Variants in OTUD3 observed in about 807,000 individuals in gnomAD.
OTUD3 encodes OTU domain-containing protein 3.
OTUD3 carries 24 observed loss-of-function variants against 46.2 expected under a neutral mutation model. The ratio of observed to expected loss-of-function variants is 0.52; its 90% CI spans 0.38 to 0.73. The LOEUF (loss-of-function observed/expected upper bound fraction) is 0.73. Among genes scored for constraint, OTUD3 ranks in the 30% least tolerant of loss-of-function variants. The probability of loss-of-function intolerance (pLI) is 0.00; values close to 1 mark genes in which losing one functional copy is unlikely to be tolerated. For synonymous variants in OTUD3, 189 were observed against 195.4 expected (o/e 0.97, Z 0.27); for missense variants, 455 against 523.3 (o/e 0.87, Z 1.27).
At chr1:19,882,807 T>G in intron 1 of OTUD3, 73 bp downstream of exon 1, 1 of 1,216,012 alleles carries the variant, frequency 8.2e-7, no homozygotes, top group Admixed American at 4.3e-5. Context: ...CGTTGCCCGC[T>G]CGCGTCCATC....
In OTUD3 at chr1:19,882,529, G is replaced by A. The variant is rs1362089965; in HGVS notation, c.16G>A (p.Ala6Thr). 1.5e-6 allele frequency: 2 copies of A among 1,344,284 alleles called. No homozygotes were observed. The highest frequency in any genetic ancestry group is 3.1e-5 in the East Asian group (1 of 32,554). The allele number at this position is 1,344,284 out of a possible 1,614,324, so 83.3% of individuals were successfully genotyped here. The change falls in exon 1 of 8, where the codon GCG (alanine) becomes ACG (threonine). Residue 6 changes from alanine to threonine, a missense_variant. Ala to Thr is a moderately conservative substitution (Grantham distance 58, BLOSUM62 0). Coordinates refer to ENST00000375120, the MANE Select transcript of OTUD3 (RefSeq NM_015207.2). ...GGCTAAGGCCATGTCCCGAAAGCAG[G>A]CGGCGAAGAGCCGGCCGGGCAGCGG... Reference protein sequence around the residue: MSRKQAAKSRPGSGSR... With the variant: MSRKQTAKSRPGSGSR...
At chr1:19,894,685 A>G (rs987357597) in intron 3 of OTUD3, among the ~76,000 whole-genome samples, 11 of 152,218 alleles carry the variant, frequency 7.2e-5, no homozygotes, top group Non-Finnish European at 1.6e-4. Flanking sequence ...TAATTTAGAA[A>G]TCTTTTAAAA....
At chr1:19,891,199 T>G (rs932102855) in intron 2 of OTUD3, among the ~76,000 whole-genome samples, 3 of 152,240 alleles carry the variant, frequency 2.0e-5, no homozygotes, top group Admixed American at 2.0e-4. Flanking sequence ...CTGTTTTCTT[T>G]GAGGCAAGTC....
chr1:19,885,818 A>T (rs1013215028), intron 1 of OTUD3, among the ~76,000 whole-genome samples: 1 of 152,200 alleles, frequency 6.6e-6, no homozygotes, highest in Non-Finnish European at 1.5e-5. Context: ...AAAGACTATT[A>T]AAAAATAGTT....
At chr1:19,898,137 G>A (rs2045541235) in intron 4 of OTUD3, among the ~76,000 whole-genome samples, 1 of 151,506 alleles carries the variant, frequency 6.6e-6, no homozygotes, top group Non-Finnish European at 1.5e-5. Context: ...TAGTAGAGAT[G>A]GGGTTTCTCC....
At chr1:19,906,802 C>T (rs143445066) in intron 7 of OTUD3, 186 bp downstream of exon 7, 9 of 527,526 alleles carry the variant, frequency 1.7e-5, no homozygotes, top group African/African-American at 3.8e-5. Flanking sequence ...TGGTGTATGC[C>T]GTGACAGTTG....
Position 19,890,474 on chromosome 1 carries a change from T to C in OTUD3, c.311T>C (p.Ile104Thr), listed in dbSNP as rs540260034. ...KHRQETVDYM[I>T]KQREDFEPFV... ...AGACAGGAGACAGTGGACTACATGATAAAGCAGCGGGAAGATTTTGAACCC... is the reference window on the plus strand; with the variant it reads ...AGACAGGAGACAGTGGACTACATGACAAAGCAGCGGGAAGATTTTGAACCC... The change falls in exon 2 of 8, where the codon ATA becomes ACA. Residue 104 changes from isoleucine (I) to threonine (T), a missense_variant. By Grantham distance (89) the Ile-to-Thr change is moderately conservative. Transcript: ENST00000375120. The C allele has an allele frequency of 4.3e-6, 7 of 1,613,958 alleles. No individual in the cohort carries two copies. In the East Asian group the frequency reaches 1.6e-4, roughly 36 times the overall value.
At position 19,911,906 on chromosome 1, in the gene OTUD3, C is replaced by T. The variant is rs1421832920; in HGVS notation, c.*4160C>T. ...GTGCCTTGTGGTTGGCCTGGAAGTT[C>T]TCTCCCAAGGTGAAATTCCTTTAAA... On this transcript the variant is annotated 3_prime_UTR_variant, in exon 8 of 8. Transcript: ENST00000375120. The T allele has an allele frequency of 6.6e-6, 1 of 152,312 alleles. No homozygotes were observed. The highest frequency in any genetic ancestry group is 6.5e-5 in the Admixed American group (1 of 15,276). 9.4% of individuals were successfully genotyped at this position (152,312 alleles called of 1,614,324 possible). A position where few individuals can be genotyped will look rare whatever the true frequency, so the allele number is the denominator to read the frequency against.
chr1:19,901,803 A>G (rs1175105590), intron 4 of OTUD3, among the ~76,000 whole-genome samples: 2 of 152,118 alleles, frequency 1.3e-5, no homozygotes, highest in South Asian at 2.1e-4. Flanking sequence ...CCCTCAGTAT[A>G]ATGTTTTTGA....
intron 4 of OTUD3, among the ~76,000 whole-genome samples, chr1:19,900,916 G>GTTTTTTTTTTTTTT (rs990933093): frequency 9.5e-5 from 11 of 115,714 alleles, no homozygotes; most frequent in Admixed American, 1.8e-4. Context: ...TTTTTTTTTT[G>GTTTTTTTTTTTTTT]TTTTTTTTTT....
intron 3 of OTUD3, among the ~76,000 whole-genome samples, chr1:19,895,118 A>G (rs1450954900): frequency 6.6e-6 from 1 of 152,252 alleles, no homozygotes; most frequent in Non-Finnish European, 1.5e-5. Flanking sequence ...ATGTTTTTAC[A>G]CACTTTTAAA....
At position 19,904,392 on chromosome 1, in the gene OTUD3, A is replaced by G. The variant is rs1305563285; in HGVS notation, c.732A>G (p.Gly244=). ...TCCAGAAAGTTTGTAATGCAACTGG[A>G]TGTTCAGTTAGTATTTCTGTCTTGC... ...DAVQKVCNAT[G]CSDFNLIVQN... is the part of the protein sequence containing the mutation. The change falls in exon 5 of 8, where the codon GGA becomes GGG. Residue 244 remains glycine (G), a synonymous_variant. Transcript: ENST00000375120. 1.2e-6 allele frequency: 2 copies of G among 1,609,202 alleles called. No homozygotes were observed. Among genetic ancestry groups the G allele is most frequent in the African/African-American group, 1.3e-5 (1 of 74,644 alleles).
In OTUD3 at chr1:19,907,900, T is replaced by G; in HGVS notation, c.*154T>G. 5.1e-6 allele frequency: 3 copies of G among 590,298 alleles called. No homozygotes were observed. Among genetic ancestry groups the G allele is most frequent in the Non-Finnish European group, 8.5e-6 (3 of 353,690 alleles). 36.6% of individuals were successfully genotyped at this position (590,298 alleles called of 1,614,324 possible). On this transcript the variant is annotated 3_prime_UTR_variant, in exon 8 of 8. Coordinates refer to ENST00000375120, the MANE Select transcript of OTUD3 (RefSeq NM_015207.2). ...GAGTTAGTTTCGTTCAAGCTGCCTC[T>G]TTTTTTGTTCGAAGTTTTATTAGTG...
intron 2 of OTUD3, among the ~76,000 whole-genome samples, chr1:19,893,576 G>A (rs1158271552): frequency 6.6e-6 from 1 of 152,176 alleles, no homozygotes; most frequent in Non-Finnish European, 1.5e-5. Flanking sequence ...ATGTCTAAGT[G>A]GTTGAACTCA....
In OTUD3 at chr1:19,909,596, A is replaced by G. The variant is rs939893274; in HGVS notation, c.*1850A>G. 2.0e-5 allele frequency: 3 copies of G among 152,294 alleles called. No individual in the cohort carries two copies. The highest frequency in any genetic ancestry group is 4.4e-5 in the Non-Finnish European group (3 of 68,036). 9.4% of individuals were successfully genotyped at this position (152,294 alleles called of 1,614,324 possible). A position where few individuals can be genotyped will look rare whatever the true frequency, so the allele number is the denominator to read the frequency against. On this transcript the variant is annotated 3_prime_UTR_variant, in exon 8 of 8. Transcript: ENST00000375120. ...ACTGGCTGAGTGTTTCTGAATGAAG[A>G]TGTTTTCCTGTCTGTTTTGTACTGC...
chr1:19,893,028 C>G (rs993408305), intron 2 of OTUD3, among the ~76,000 whole-genome samples: 2 of 152,170 alleles, frequency 1.3e-5, no homozygotes, highest in Non-Finnish European at 2.9e-5. Flanking sequence ...GTGTCTGTCT[C>G]TCCTCTTCTT....
chr1:19,888,836 G>A (rs1378929416), intron 1 of OTUD3, among the ~76,000 whole-genome samples: 2 of 152,210 alleles, frequency 1.3e-5, no homozygotes. Context: ...TTCTGTGTCT[G>A]TGTATGTGTA....
At chr1:19,886,549 C>T (rs2045364140) in intron 1 of OTUD3, among the ~76,000 whole-genome samples, 1 of 152,054 alleles carries the variant, frequency 6.6e-6, no homozygotes, top group Non-Finnish European at 1.5e-5. Flanking sequence ...AATTCAGGGC[C>T]TGGGCTCTCC....
chr1:19,906,594 CAAAT>C lies in OTUD3; in HGVS notation c.1002_1005del (p.Asn334LysfsTer56). On this transcript the variant is annotated frameshift_variant, in exon 7 of 8. Transcript: ENST00000375120. LOFTEE classifies it high-confidence loss of function. ...GCCAGCCCTAGTGAAGAAAACAAAG[CAAAT>C]AAAAACCAGCTCGCAAAGGTATGTA... 2 of 1,611,162 alleles carry C rather than the reference CAAAT, an allele frequency of 1.2e-6. No homozygotes were observed. Among genetic ancestry groups the C allele is most frequent in the Non-Finnish European group, 1.7e-6 (2 of 1,179,010 alleles).
Sources: allele counts gnomAD v4.1 joint callset (sites outside exome capture counted in the v4.1 genomes callset), GRCh38; gene constraint gnomAD v4.1.1; transcripts MANE v1.5; gene names NCBI Gene and HGNC (gene_info 2026-07-23, HGNC 2026-07-21).